RIMS2: variants seen among roughly 807,000 people sequenced by gnomAD.
RIMS2 encodes regulating synaptic membrane exocytosis protein 2.
A neutral mutation model predicts 174.4 loss-of-function variants in RIMS2; 59 were observed. The ratio of observed to expected loss-of-function variants is 0.34; its 90% CI spans 0.27 to 0.42. The LOEUF (loss-of-function observed/expected upper bound fraction) is 0.42, where lower values mean the gene tolerates loss of function less well. Among genes scored for constraint, RIMS2 ranks in the 10% least tolerant of loss-of-function variants. The probability of loss-of-function intolerance (pLI) is 1.00; values close to 1 mark genes in which losing one functional copy is unlikely to be tolerated. For synonymous variants in RIMS2, 606 were observed against 572.5 expected, an observed-to-expected ratio of 1.06 and a Z score of -0.84; for missense variants, 1,620 against 1,666.3, an observed-to-expected ratio of 0.97 and a Z score of 0.48.
chr8:104,167,422 C>G (rs980618728), intron 19 of RIMS2, among the ~76,000 whole-genome samples: 1 of 152,042 alleles, frequency 6.6e-6, no homozygotes, highest in Admixed American at 6.5e-5. Flanking sequence ...ATTTTCCTGA[C>G]AATTAGTGAT....
intron 1 of RIMS2, among the ~76,000 whole-genome samples, chr8:103,528,154 T>C (rs1315912402): frequency 6.6e-6 from 1 of 152,212 alleles, no homozygotes; most frequent in African/African-American, 2.4e-5. Context: ...ATGATAAGCA[T>C]TTTTTCATAT....
chr8:104,223,897 C>T, intron 19 of RIMS2: 1 of 888,074 alleles, frequency 1.1e-6, no homozygotes, highest in South Asian at 1.5e-5. Context: ...AGTGTCCCAG[C>T]CCCTCTGCTC....
At chr8:103,866,976 C>A (rs376777344) in intron 3 of RIMS2, among the ~76,000 whole-genome samples, 17 of 151,584 alleles carry the variant, frequency 1.1e-4, no homozygotes, top group African/African-American at 3.9e-4. Flanking sequence ...CTTAGCACCA[C>A]CAATAAACTG....
At chr8:103,658,983 A>G (rs529064915) in intron 1 of RIMS2, among the ~76,000 whole-genome samples, 1 of 152,330 alleles carries the variant, frequency 6.6e-6, no homozygotes, top group East Asian at 1.9e-4. Context: ...GAGAGAGCAG[A>G]TGGGTCCCCA....
At chr8:103,557,152 G>C (rs1410740670) in intron 1 of RIMS2, among the ~76,000 whole-genome samples, 1 of 152,192 alleles carries the variant, frequency 6.6e-6, no homozygotes, top group Admixed American at 6.5e-5. Flanking sequence ...ATAAATGCTA[G>C]TAGATTCTCA....
At chr8:104,230,165 G>T (rs1264069507) in intron 19 of RIMS2, among the ~76,000 whole-genome samples, 2 of 151,686 alleles carry the variant, frequency 1.3e-5, no homozygotes, top group Admixed American at 1.3e-4. Flanking sequence ...TGTAATCCCA[G>T]CTACTCAGGA....
chr8:104,213,230 C>T (rs1158403941), intron 19 of RIMS2, among the ~76,000 whole-genome samples: 1 of 151,734 alleles, frequency 6.6e-6, no homozygotes, highest in Admixed American at 6.6e-5. Context: ...GAGAATTGCC[C>T]GAACTGGAAG....
chr8:103,629,159 C>G (rs917380152), intron 1 of RIMS2, among the ~76,000 whole-genome samples: 27 of 152,266 alleles, frequency 1.8e-4, no homozygotes, highest in Non-Finnish European at 3.5e-4. Flanking sequence ...GGTGCTGCAG[C>G]CAACAGATTG....
chr8:103,538,490 TTCCCCCCCAAG>T (rs1380334244), intron 1 of RIMS2, among the ~76,000 whole-genome samples: 1 of 138,726 alleles, frequency 7.2e-6, no homozygotes, highest in Non-Finnish European at 1.6e-5. Flanking sequence ...CCCTCCACTC[TTCCCCCCCAAG>T]TCCCCAAAGT....
At chr8:103,592,105 G>A (rs149396762) in intron 1 of RIMS2, among the ~76,000 whole-genome samples, 327 of 151,244 alleles carry the variant, frequency 2.2e-3, no homozygotes, top group African/African-American at 7.6e-3. Context: ...TGTCATGGGA[G>A]CAGGTGGTGT....
chr8:103,880,212 A>G (rs1318243156), intron 3 of RIMS2, among the ~76,000 whole-genome samples: 2 of 151,676 alleles, frequency 1.3e-5, no homozygotes, highest in Non-Finnish European at 3.0e-5. Context: ...TATTTTAGAA[A>G]TACTGCAATT....
In RIMS2 at chr8:103,927,670, AAATT is replaced by A. The variant is rs546835051; in HGVS notation, c.2197-167_2197-164del. Among the ~76,000 whole-genome samples the A allele has an allele frequency of 1.4e-3, 208 of 151,692 alleles. 1 individual carries two copies. The highest frequency in any genetic ancestry group is 4.7e-3 in the African/African-American group (196 of 41,548). ...TTTTAATGTTTTTTGGCATTGGACAAAATTAATTTATTCATCACACTGAAGTACT... is the reference window on the plus strand; with the variant it reads ...TTTTAATGTTTTTTGGCATTGGACAAAATTTATTCATCACACTGAAGTACT... On this transcript the variant is annotated intron_variant, in intron 10 of 23. Coordinates refer to ENST00000504942, the Ensembl canonical transcript of RIMS2.
At chr8:103,701,910 C>T (rs1340296611) in intron 2 of RIMS2, among the ~76,000 whole-genome samples, 1 of 152,038 alleles carries the variant, frequency 6.6e-6, no homozygotes, top group African/African-American at 2.4e-5. Flanking sequence ...ACAGGTATCT[C>T]TTCAGTATGT....
chr8:103,912,204 T>C (rs375130933), intron 6 of RIMS2, 32 bp downstream of exon 9: 89 of 1,562,088 alleles, frequency 5.7e-5, no homozygotes, highest in Middle Eastern at 1.7e-4. Context: ...ATTTTGGCTC[T>C]ATACTCTTAC....
intron 2 of RIMS2, among the ~76,000 whole-genome samples, chr8:103,765,275 G>A (rs1194604756): frequency 6.6e-5 from 10 of 152,068 alleles, no homozygotes; most frequent in Admixed American, 6.6e-4. Flanking sequence ...AGGGCTTTCT[G>A]GCCACAGAGA....
chr8:103,610,059 C>G (rs2095312906), intron 1 of RIMS2, among the ~76,000 whole-genome samples: 1 of 152,070 alleles, frequency 6.6e-6, no homozygotes, highest in Admixed American at 6.5e-5. Context: ...CCTTCATTAG[C>G]TGTATTCCTA....
intron 3 of RIMS2, among the ~76,000 whole-genome samples, chr8:103,880,095 G>A (rs951382267): frequency 2.6e-5 from 4 of 151,578 alleles, no homozygotes; most frequent in African/African-American, 7.3e-5. Flanking sequence ...TAAGAAACTT[G>A]TTAGTGAATA....
chr8:103,812,343 T>G (rs59998409), intron 3 of RIMS2, among the ~76,000 whole-genome samples: 52,513 of 140,176 alleles, frequency 0.37, 9,932 homozygotes, highest in African/African-American at 0.4. Flanking sequence ...TTTTTTTTTT[T>G]TTTTTTTTTT....
chr8:103,761,104 G>C (rs1468593269), intron 2 of RIMS2, among the ~76,000 whole-genome samples: 4 of 152,020 alleles, frequency 2.6e-5, no homozygotes, highest in Non-Finnish European at 5.9e-5. Flanking sequence ...TCTGACTTTT[G>C]GCATTTTCCA....
Sources: allele counts gnomAD v4.1 joint callset (sites outside exome capture counted in the v4.1 genomes callset), GRCh38; gene constraint gnomAD v4.1.1; transcripts MANE v1.5; gene names NCBI Gene and HGNC (gene_info 2026-07-23, HGNC 2026-07-21).